The following CSMD1 variants were observed in gnomAD, a reference collection of about 807,000 sequenced individuals.
The protein encoded by CSMD1 is CUB and sushi domain-containing protein 1.
Under a neutral mutation model 417.5 loss-of-function variants are expected in CSMD1, and 213 were observed. The ratio of observed to expected loss-of-function variants is 0.51; its 90% CI spans 0.46 to 0.57. The LOEUF (loss-of-function observed/expected upper bound fraction) is 0.57. Among genes scored for constraint, CSMD1 ranks in the 20% least tolerant of loss-of-function variants. The pLI is 0.00. For missense variants in CSMD1, 6,923 were observed against 4,529.7 expected, an observed-to-expected ratio of 1.53 and a Z score of -15.17; for synonymous variants, 2,862 against 1,736.8, an observed-to-expected ratio of 1.65 and a Z score of -16.11.
rs921169100 is a variant in CSMD1, at chr8:3,817,570, C to T, written c.819-63528G>A. ...CAGGGATTGCAGGCATGAGCCACTG[C>T]GCCTGGCCATCTTCTTTATTTAGAG... On this transcript the variant is annotated intron_variant, in intron 5 of 69. Coordinates refer to ENST00000635120, the MANE Select transcript of CSMD1 (RefSeq NM_033225.6). Among the ~76,000 whole-genome samples the T allele has an allele frequency of 8.5e-5, 13 of 152,108 alleles. No homozygotes were observed. The South Asian group carries it at 2.5e-3, about 29-fold the overall frequency.
At chr8:2,971,766 C>T (rs914775537) in intron 57 of CSMD1, among the ~76,000 whole-genome samples, 1 of 152,136 alleles carries the variant, frequency 6.6e-6, no homozygotes, top group African/African-American at 2.4e-5. Flanking sequence ...TTTATAGTGT[C>T]ATACTTCAGT....
At chr8:4,062,300 C>T (rs561440126) in intron 3 of CSMD1, among the ~76,000 whole-genome samples, 6 of 152,164 alleles carry the variant, frequency 3.9e-5, no homozygotes, top group African/African-American at 1.4e-4. Flanking sequence ...TAGAGCATGT[C>T]AACTGGGGAC....
chr8:3,451,212 T>C (rs1421404412), intron 12 of CSMD1, among the ~76,000 whole-genome samples: 1 of 152,360 alleles, frequency 6.6e-6, no homozygotes, highest in African/African-American at 2.4e-5. Context: ...ATTCTGGATA[T>C]TAGCCCTTTG....
In CSMD1 at chr8:3,387,617, C is replaced by T; in HGVS notation, c.2659G>A (p.Gly887Arg). ...ACTGTGGACCTGATGCCAAAGTCTC[C>T]ACCGTGGCGATGGCCGTTCACAGGG... ...GIPVNGHRHG[G>R]DFGIRSTVTF... The change falls in exon 18 of 70, where the codon GGA (glycine) becomes AGA (arginine). Residue 887 changes from glycine to arginine, a missense_variant. Physicochemically the swap from Gly to Arg is moderately radical, Grantham distance 125 (BLOSUM62 -2). Transcript: ENST00000635120. The T allele has an allele frequency of 6.2e-7, 1 of 1,601,276 alleles. No individual in the cohort carries two copies. The highest frequency in any genetic ancestry group is 8.5e-7 in the Non-Finnish European group (1 of 1,173,848).
At chr8:4,745,481 CAT>C (rs1810893307) in intron 1 of CSMD1, among the ~76,000 whole-genome samples, 1 of 152,106 alleles carries the variant, frequency 6.6e-6, no homozygotes, top group African/African-American at 2.4e-5. Context: ...ACTGTGGTAT[CAT>C]ATATTCTTTC....
At chr8:4,555,767 G>A (rs1798062030) in intron 2 of CSMD1, among the ~76,000 whole-genome samples, 2 of 152,228 alleles carry the variant, frequency 1.3e-5, no homozygotes, top group South Asian at 2.1e-4. Flanking sequence ...GTTAACAAAT[G>A]CAAAATAATA....
chr8:3,057,042 T>C (rs571283291), intron 49 of CSMD1, among the ~76,000 whole-genome samples: 73 of 152,144 alleles, frequency 4.8e-4, no homozygotes, highest in Non-Finnish European at 9.7e-4. Flanking sequence ...AGACAGATAA[T>C]GGAGAAATCA....
chr8:3,035,583 G>A (rs1049990571), intron 50 of CSMD1, among the ~76,000 whole-genome samples: 1 of 152,160 alleles, frequency 6.6e-6, no homozygotes. Context: ...ATCGACAAGA[G>A]CTCCAAACAT....
intron 1 of CSMD1, among the ~76,000 whole-genome samples, chr8:4,891,875 A>G (rs1423605892): frequency 2.0e-5 from 3 of 152,132 alleles, no homozygotes; most frequent in Non-Finnish European, 2.9e-5. Context: ...GTAAAAGTTG[A>G]CATTCACTGT....
intron 3 of CSMD1, among the ~76,000 whole-genome samples, chr8:4,235,484 A>C (rs1411588076): frequency 1.3e-5 from 2 of 152,080 alleles, no homozygotes; most frequent in Admixed American, 1.3e-4. Flanking sequence ...AACCTAATTC[A>C]CATGCTTTTT....
At chr8:3,890,798 A>G (rs551607418) in intron 5 of CSMD1, among the ~76,000 whole-genome samples, 38 of 152,268 alleles carry the variant, frequency 2.5e-4, no homozygotes, top group Non-Finnish European at 4.0e-4. Context: ...AGACATTTCC[A>G]GGGACTAAAA....
At chr8:4,473,548 T>A (rs1241459624) in intron 2 of CSMD1, among the ~76,000 whole-genome samples, 1 of 152,232 alleles carries the variant, frequency 6.6e-6, no homozygotes, top group Non-Finnish European at 1.5e-5. Flanking sequence ...CTTTTTCTTG[T>A]ACTTCTGCCT....
intron 37 of CSMD1, among the ~76,000 whole-genome samples, chr8:3,178,691 T>C (rs1277300857): frequency 6.6e-6 from 1 of 152,150 alleles, no homozygotes; most frequent in African/African-American, 2.4e-5. Context: ...TAACAAGCGG[T>C]AACAAGTTTA....
At chr8:3,658,262 G>A (rs942465244) in intron 7 of CSMD1, among the ~76,000 whole-genome samples, 1 of 151,932 alleles carries the variant, frequency 6.6e-6, no homozygotes, top group African/African-American at 2.4e-5. Flanking sequence ...GGAGTGAAAT[G>A]TATTTTTTTC....
intron 4 of CSMD1, among the ~76,000 whole-genome samples, chr8:4,030,088 C>CT (rs1326321703): frequency 6.6e-6 from 1 of 152,196 alleles, no homozygotes; most frequent in East Asian, 1.9e-4. Context: ...CTCCTGGATG[C>CT]TTTCATGGGC....
At chr8:4,006,828 T>TC (rs1311589698) in intron 4 of CSMD1, among the ~76,000 whole-genome samples, 111 of 140,806 alleles carry the variant, frequency 7.9e-4, no homozygotes, top group African/African-American at 2.8e-3. Context: ...TTCCTATTTT[T>TC]TTTTTTTTTT....
At chr8:4,391,990 A>C (rs1053445151) in intron 3 of CSMD1, among the ~76,000 whole-genome samples, 1 of 152,172 alleles carries the variant, frequency 6.6e-6, no homozygotes, top group Non-Finnish European at 1.5e-5. Flanking sequence ...CCTAGTCAAC[A>C]CCAAGCATCA....
At chr8:3,161,340 G>C (rs1480876607) in intron 38 of CSMD1, among the ~76,000 whole-genome samples, 1 of 152,090 alleles carries the variant, frequency 6.6e-6, no homozygotes, top group Non-Finnish European at 1.5e-5. Flanking sequence ...CTCTTGGCTG[G>C]ACACAGTAGC....
intron 4 of CSMD1, among the ~76,000 whole-genome samples, chr8:4,006,292 A>T (rs1237118712): frequency 6.6e-6 from 1 of 152,208 alleles, no homozygotes; most frequent in Non-Finnish European, 1.5e-5. Flanking sequence ...ACAAAAAATG[A>T]AAAGCATTTG....
Sources: allele counts gnomAD v4.1 joint callset (sites outside exome capture counted in the v4.1 genomes callset), GRCh38; gene constraint gnomAD v4.1.1; transcripts MANE v1.5; gene names NCBI Gene and HGNC (gene_info 2026-07-23, HGNC 2026-07-21).